Variants in LPIN1 observed in about 807,000 individuals in gnomAD.
The protein encoded by LPIN1 is lipin 1.
A neutral mutation model predicts 107.5 loss-of-function variants in LPIN1; 71 were observed. The ratio of observed to expected loss-of-function variants is 0.66; its 90% CI spans 0.55 to 0.80. The LOEUF (loss-of-function observed/expected upper bound fraction) is 0.80, where lower values mean the gene tolerates loss of function less well. LPIN1 is among the 30% of genes least tolerant of loss of function. The probability of loss-of-function intolerance (pLI) is 0.00; values close to 1 mark genes in which losing one functional copy is unlikely to be tolerated. For missense variants in LPIN1, 1,043 were observed against 1,160.6 expected, an observed-to-expected ratio of 0.90 and a Z score of 1.47; for synonymous variants, 445 against 452.6, an observed-to-expected ratio of 0.98 and a Z score of 0.21.
In LPIN1 at chr2:11,815,289, GCT is replaced by G. The variant is rs770259452; in HGVS notation, c.2402+54_2402+55del. 17 of 1,607,140 alleles carry G rather than the reference GCT, an allele frequency of 1.1e-5. No homozygotes were observed. The African/African-American group carries it at 2.1e-4, about 20-fold the overall frequency. On this transcript the variant is annotated intron_variant, in intron 18 of 20. Transcript: ENST00000674199. ...TCCATCTGTGAGCCTGTTCAGACCCGCTCTCTTCCTAACTGCAAGTTTTGTAA... is the reference window on the plus strand; with the variant it reads ...TCCATCTGTGAGCCTGTTCAGACCCGCTCTTCCTAACTGCAAGTTTTGTAA...
intron 1 of LPIN1, among the ~76,000 whole-genome samples, chr2:11,732,687 CT>C (rs1665359203): frequency 6.6e-6 from 1 of 152,102 alleles, no homozygotes; most frequent in African/African-American, 2.4e-5. Context: ...TAATAAAATC[CT>C]GCTGGTTGGT....
chr2:11,734,894 T>A (rs766662099), intron 1 of LPIN1, among the ~76,000 whole-genome samples: 8 of 152,178 alleles, frequency 5.3e-5, no homozygotes, highest in Non-Finnish European at 1.2e-4. Context: ...AATTTTTTGA[T>A]TTGTATTTAC....
rs141676590 is a variant in LPIN1 at position 11,707,789 on chromosome 2, C to G, written c.82-5967C>G. On this transcript the variant is annotated intron_variant, in intron 1 of 21. Coordinates refer to the LPIN1 transcript ENST00000449576. This position sits in a 1 kb window ranked among gnomAD's most constrained non-coding sequence, Gnocchi z 4.2. ...GCTGCTTCTGTGAGCACCACAGGTG[C>G]TCACCTGCCTGCTGGGATGGACCTT... Among the ~76,000 whole-genome samples, 426 of 152,254 alleles carry G rather than the reference C, an allele frequency of 2.8e-3. 1 individual carries two copies. Among genetic ancestry groups the G allele is most frequent in the African/African-American group, 9.7e-3 (401 of 41,546 alleles).
intron 17 of LPIN1, among the ~76,000 whole-genome samples, chr2:11,809,236 A>C (rs1679235931): frequency 6.6e-6 from 1 of 152,072 alleles, no homozygotes; most frequent in South Asian, 2.1e-4. Context: ...TAATTGTTTG[A>C]ATTTTTGACC....
intron 1 of LPIN1, among the ~76,000 whole-genome samples, chr2:11,690,775 G>A (rs1334669057): frequency 2.0e-5 from 3 of 151,874 alleles, no homozygotes; most frequent in African/African-American, 7.3e-5. Context: ...CAATGACTAT[G>A]TTTTTCATTT....
chr2:11,764,468 G>GT (rs1397723153), intron 1 of LPIN1, among the ~76,000 whole-genome samples: 1 of 152,166 alleles, frequency 6.6e-6, no homozygotes, highest in African/African-American at 2.4e-5. Context: ...TATTACCTGT[G>GT]TTTCCTTCAC....
chr2:11,819,245 A>C, intron 18 of LPIN1: 1 of 499,260 alleles, frequency 2.0e-6, no homozygotes, highest in South Asian at 2.4e-5. Flanking sequence ...TCCCTGGATG[A>C]CCAGGATAAC....
rs1199645145 is a variant in LPIN1 at position 11,697,428 on chromosome 2, C to T, written c.82-16328C>T. Among the ~76,000 whole-genome samples the T allele has an allele frequency of 6.6e-6, 1 of 152,252 alleles. No homozygotes were observed. Among genetic ancestry groups the T allele is most frequent in the Admixed American group, 6.5e-5 (1 of 15,294 alleles). On this transcript the variant is annotated intron_variant, in intron 1 of 21. Transcript: ENST00000449576. This position sits in a 1 kb window ranked among gnomAD's most constrained non-coding sequence, Gnocchi z 4.6. ...GCAGCCCCCGTGGGCCACTGTGGGGCTGCACCAGGAGCTGTGCTCGGCTCC... is the reference window on the plus strand; with the variant it reads ...GCAGCCCCCGTGGGCCACTGTGGGGTTGCACCAGGAGCTGTGCTCGGCTCC...
rs1395448709 is a variant in LPIN1, at chr2:11,825,574, G to T, written c.*783G>T. The T allele has an allele frequency of 6.6e-6, 1 of 152,600 alleles. No homozygotes were observed. The highest frequency in any genetic ancestry group is 1.9e-4 in the East Asian group (1 of 5,196). 9.5% of individuals were successfully genotyped at this position (152,600 alleles called of 1,614,324 possible). On this transcript the variant is annotated 3_prime_UTR_variant, in exon 21 of 21. Coordinates refer to ENST00000674199, the MANE Select transcript of LPIN1 (RefSeq NM_001349206.2). The surrounding 1 kb of genome is among the most constrained non-coding windows in gnomAD (Gnocchi z 4.1). ...CTCATGGTAACTTTGCAACGCCTTA[G>T]ATTAAAATGACAGTAAATATTACTA...
At chr2:11,678,701 G>T (rs1661554119) in intron 1 of LPIN1, among the ~76,000 whole-genome samples, 1 of 152,230 alleles carries the variant, frequency 6.6e-6, no homozygotes. Context: ...TTCTGGGGCT[G>T]GTGTCCAGGC....
At chr2:11,756,797 C>A (rs1477117538) in intron 1 of LPIN1, among the ~76,000 whole-genome samples, 6 of 152,140 alleles carry the variant, frequency 3.9e-5, no homozygotes, top group African/African-American at 1.4e-4. Flanking sequence ...TTTTTATGTT[C>A]TTTGGTGTAT....
intron 12 of LPIN1, among the ~76,000 whole-genome samples, chr2:11,790,107 G>A (rs934379314): frequency 3.3e-5 from 5 of 152,156 alleles, no homozygotes; most frequent in East Asian, 1.9e-4. Flanking sequence ...TGGAAATTTC[G>A]AAAGATCTTA....
intron 1 of LPIN1, among the ~76,000 whole-genome samples, chr2:11,709,369 G>A (rs1663289354): frequency 6.6e-6 from 1 of 152,222 alleles, no homozygotes; most frequent in African/African-American, 2.4e-5. Context: ...TGGAAAAACT[G>A]AGACCCAGAG....
At chr2:11,734,162 C>T (rs1665552406) in intron 1 of LPIN1, among the ~76,000 whole-genome samples, 1 of 152,222 alleles carries the variant, frequency 6.6e-6, no homozygotes, top group African/African-American at 2.4e-5. Context: ...TTTGAAGCTA[C>T]TGTTAGAGCA....
intron 17 of LPIN1, among the ~76,000 whole-genome samples, chr2:11,814,512 A>ATG (rs71394769): frequency 0.19 from 26,653 of 138,328 alleles, 2,430 homozygotes; most frequent in African/African-American, 0.22. Context: ...GTGTGTGTGC[A>ATG]TGTGTGTGTG....
intron 1 of LPIN1, among the ~76,000 whole-genome samples, chr2:11,709,910 A>G (rs1003757606): frequency 6.6e-6 from 1 of 152,212 alleles, no homozygotes; most frequent in Non-Finnish European, 1.5e-5. Context: ...TAGGCTCCAG[A>G]TATGTGACTT....
chr2:11,769,911 ACAGAACAGTCC>A (rs1426325555), intron 3 of LPIN1, among the ~76,000 whole-genome samples: 2 of 152,192 alleles, frequency 1.3e-5, no homozygotes, highest in Non-Finnish European at 1.5e-5. Context: ...CAGCTTCGGG[ACAGAACAGTCC>A]CAGGCACAGC....
rs1461003275 is a variant in LPIN1, at chr2:11,776,149, T to C, written c.786T>C (p.Ser262=). Residue 262 remains serine, a synonymous_variant, in exon 6 of 21, where the codon TCT becomes TCC. Coordinates refer to ENST00000674199, the MANE Select transcript of LPIN1 (RefSeq NM_001349206.2). ...HLAVAAEGGL[S]SSCPPQSSLF... is the part of the protein sequence containing the mutation. ...CAGTTGCGGCCGAGGGAGGTCTGTCTAGTTCTTGCCCTCCACAGTCTTCCC... is the reference window on the plus strand; with the variant it reads ...CAGTTGCGGCCGAGGGAGGTCTGTCCAGTTCTTGCCCTCCACAGTCTTCCC... 1.3e-6 allele frequency: 2 copies of C among 1,547,586 alleles called. No homozygotes were observed. The highest frequency in any genetic ancestry group is 2.7e-5 in the African/African-American group (2 of 72,982).
intron 1 of LPIN1, among the ~76,000 whole-genome samples, chr2:11,732,852 A>C (rs758402035): frequency 2.4e-4 from 36 of 152,148 alleles, no homozygotes; most frequent in African/African-American, 8.4e-4. Flanking sequence ...TGTTCCAAAA[A>C]CAATAACCAG....
Sources: allele counts gnomAD v4.1 joint callset (sites outside exome capture counted in the v4.1 genomes callset), GRCh38; gene constraint gnomAD v4.1.1; non-coding constraint Gnocchi (gnomAD v3.1); transcripts MANE v1.5; gene names NCBI Gene and HGNC (gene_info 2026-07-23, HGNC 2026-07-21).